The following NCAPH variants were observed in gnomAD, a reference collection of about 807,000 sequenced individuals.
NCAPH encodes the protein condensin complex subunit 2.
Under a neutral mutation model 85.5 loss-of-function variants are expected in NCAPH, and 38 were observed. The ratio of observed to expected loss-of-function variants is 0.44; its 90% confidence interval spans 0.34 to 0.58. The LOEUF (loss-of-function observed/expected upper bound fraction) is 0.58, where lower values mean the gene tolerates loss of function less well. Among genes scored for constraint, NCAPH ranks in the 20% least tolerant of loss-of-function variants. NCAPH has a pLI of 0.01. For missense variants in NCAPH, 789 were observed against 916.6 expected (o/e 0.86, Z 1.80); for synonymous variants, 301 against 335.1 (o/e 0.90, Z 1.11).
At chr2:96,367,127 GA>G (rs1239292786) in intron 14 of NCAPH, 129 bp from the exon 15 acceptor site, 3 of 601,882 alleles carry the variant, frequency 5.0e-6, no homozygotes, top group Non-Finnish European at 9.0e-6. Flanking sequence ...CAAAACAAGA[GA>G]GCTCTGTAGC....
intron 12 of NCAPH, among the ~76,000 whole-genome samples, chr2:96,361,799 T>C: frequency 9.3e-6 from 1 of 107,910 alleles, no homozygotes; most frequent in Non-Finnish European, 2.0e-5. Context: ...TATATGTATA[T>C]ATATGTGTAT....
Position 96,351,951 on chromosome 2 carries a change from C to G in NCAPH, c.841C>G (p.Gln281Glu). ...RSELLFPSDV[Q>E]TLSTGEPLEL... is the part of the protein sequence containing the mutation. ...TGAACTGCTGTTTCCCTCTGATGTC[C>G]AGACTCTCTCCACGGGAGAACCTCT... The change falls in exon 7 of 18, where the codon CAG becomes GAG. Residue 281 changes from glutamine to glutamate, a missense_variant. Transcript: ENST00000240423. The G allele has an allele frequency of 6.2e-7, 1 of 1,614,152 alleles. No homozygotes were observed. The highest frequency in any genetic ancestry group is 8.5e-7 in the Non-Finnish European group (1 of 1,180,000).
intron 8 of NCAPH, 97 bp downstream of exon 8, chr2:96,353,494 C>A: frequency 9.5e-7 from 1 of 1,057,786 alleles, no homozygotes; most frequent in Non-Finnish European, 1.4e-6. Flanking sequence ...CTTTATTTAG[C>A]CAGGAGTACA....
At chr2:96,344,721 C>A (rs975779219) in intron 6 of NCAPH, among the ~76,000 whole-genome samples, 1 of 152,178 alleles carries the variant, frequency 6.6e-6, no homozygotes, top group African/African-American at 2.4e-5. Context: ...AGCTTTAAAT[C>A]ATCTATCTAG....
At chr2:96,362,678 G>C (rs1288938900) in intron 12 of NCAPH, among the ~76,000 whole-genome samples, 1 of 152,212 alleles carries the variant, frequency 6.6e-6, no homozygotes, top group Non-Finnish European at 1.5e-5. Context: ...GTATGCAGAT[G>C]TGGTAGAAAT....
chr2:96,357,341 A>G (rs190954089), intron 9 of NCAPH, among the ~76,000 whole-genome samples: 1 of 152,140 alleles, frequency 6.6e-6, no homozygotes, highest in Non-Finnish European at 1.5e-5. Flanking sequence ...TGAAAAATGG[A>G]TAGACTATTT....
rs138721526 is a variant in NCAPH at position 96,348,482 on chromosome 2, G to A, written c.721-3349G>A. On this transcript the variant is annotated intron_variant, in intron 6 of 17. Coordinates refer to ENST00000240423, the MANE Select transcript of NCAPH (RefSeq NM_015341.5). The stretch of plus-strand genomic sequence containing the variant: ...GCTGGGATTACAGGTGTGAGTCACC[G>A]CACCTGGCCTATGTCAAGGTCTTTA... Among the ~76,000 whole-genome samples the A allele has an allele frequency of 5.7e-4, 86 of 151,882 alleles. 1 individual carries two copies. In the East Asian group the frequency reaches 0.015, roughly 27 times the overall value.
chr2:96,346,699 T>C (rs991670715), intron 6 of NCAPH, among the ~76,000 whole-genome samples: 1 of 151,924 alleles, frequency 6.6e-6, no homozygotes, highest in Non-Finnish European at 1.5e-5. Context: ...GCTGGAAATG[T>C]AGGAGGTGGT....
chr2:96,355,734 C>T (rs955937883), intron 9 of NCAPH, among the ~76,000 whole-genome samples: 6 of 151,772 alleles, frequency 4.0e-5, no homozygotes, highest in Admixed American at 1.3e-4. Flanking sequence ...CTCTGCCTCC[C>T]GGGTTCACAC....
intron 6 of NCAPH, among the ~76,000 whole-genome samples, chr2:96,350,694 G>A (rs551772220): frequency 6.6e-6 from 1 of 152,266 alleles, no homozygotes; most frequent in Non-Finnish European, 1.5e-5. Flanking sequence ...TGGGTTTATG[G>A]TACGGCAGGA....
At chr2:96,339,737 A>G (rs1216299077) in intron 1 of NCAPH, among the ~76,000 whole-genome samples, 1 of 152,066 alleles carries the variant, frequency 6.6e-6, no homozygotes, top group Non-Finnish European at 1.5e-5. Flanking sequence ...CAAGATCACT[A>G]GTAACCCTAG....
chr2:96,371,174 T>C (rs1160214755), intron 17 of NCAPH, among the ~76,000 whole-genome samples: 2 of 152,152 alleles, frequency 1.3e-5, no homozygotes, highest in African/African-American at 2.4e-5. Context: ...AGGCCATCCA[T>C]CTCTCTGACT....
At chr2:96,344,603 C>T (rs1038322341) in intron 6 of NCAPH, among the ~76,000 whole-genome samples, 2 of 152,174 alleles carry the variant, frequency 1.3e-5, no homozygotes, top group African/African-American at 2.4e-5. Flanking sequence ...TCACAACATT[C>T]TTGTATCATT....
intron 9 of NCAPH, among the ~76,000 whole-genome samples, chr2:96,355,617 C>T (rs965473598): frequency 2.6e-5 from 4 of 151,312 alleles, no homozygotes; most frequent in Non-Finnish European, 4.4e-5. Flanking sequence ...CCATTCTCAT[C>T]GTGTCTTTTT....
rs371703521 is a variant in NCAPH at position 96,365,841 on chromosome 2, C to T, written c.1699-35C>T. 75 of 1,609,050 alleles carry T rather than the reference C, an allele frequency of 4.7e-5. 2 individuals carry two copies. In the South Asian group the frequency reaches 5.5e-4, roughly 12 times the overall value. ...AGGGTGTTTCTGAGCTCCTCTGCAG[C>T]GTCCACCAAACTCGAAGAGCTGTTT... On this transcript the variant is annotated intron_variant, in intron 13 of 17. Coordinates refer to ENST00000240423, the MANE Select transcript of NCAPH (RefSeq NM_015341.5).
intron 17 of NCAPH, among the ~76,000 whole-genome samples, chr2:96,371,921 G>C (rs2064779456): frequency 6.6e-6 from 1 of 152,210 alleles, no homozygotes; most frequent in African/African-American, 2.4e-5. Flanking sequence ...CACATAGCCA[G>C]GCAGTGTGTG....
intron 9 of NCAPH, among the ~76,000 whole-genome samples, chr2:96,358,689 C>T (rs1047941447): frequency 1.2e-4 from 19 of 152,148 alleles, no homozygotes; most frequent in Non-Finnish European, 2.1e-4. Context: ...AGGGTGGTCT[C>T]GATCTCCTGA....
At chr2:96,365,284 G>A (rs950688447) in intron 13 of NCAPH, among the ~76,000 whole-genome samples, 1 of 152,176 alleles carries the variant, frequency 6.6e-6, no homozygotes, top group African/African-American at 2.4e-5. Flanking sequence ...GAGTTAGGCT[G>A]TTATATTTTA....
chr2:96,360,006 C>T (rs2064582540), intron 10 of NCAPH, 137 bp from the exon 11 acceptor site: 1 of 620,374 alleles, frequency 1.6e-6, no homozygotes, highest in Non-Finnish European at 2.9e-6. Context: ...TTGAGCACTC[C>T]TACTGTTGTG....
Sources: allele counts gnomAD v4.1 joint callset (sites outside exome capture counted in the v4.1 genomes callset), GRCh38; gene constraint gnomAD v4.1.1; transcripts MANE v1.5; gene names NCBI Gene and HGNC (gene_info 2026-07-23, HGNC 2026-07-21).